Variants in SLC6A6 observed in about 807,000 individuals in gnomAD.
The protein encoded by SLC6A6 is sodium- and chloride-dependent taurine transporter.
Under a neutral mutation model 68.8 loss-of-function variants are expected in SLC6A6, and 16 were observed. That is an observed-to-expected ratio of 0.23 (90% confidence interval 0.16 to 0.35). SLC6A6 has a LOEUF of 0.35. Ranked by LOEUF, SLC6A6 falls within the 10% of genes least tolerant of loss-of-function variation. The probability of loss-of-function intolerance (pLI) is 1.00; values close to 1 mark genes in which losing one functional copy is unlikely to be tolerated. For synonymous variants in SLC6A6, 312 were observed against 315.4 expected (o/e 0.99, Z 0.12); for missense variants, 474 against 802.8 (o/e 0.59, Z 4.95).
At chr3:14,463,950 C>T (rs1700555419) in intron 6 of SLC6A6, among the ~76,000 whole-genome samples, 1 of 152,208 alleles carries the variant, frequency 6.6e-6, no homozygotes, top group Non-Finnish European at 1.5e-5. Flanking sequence ...GTTCCCTTAT[C>T]CTCAGTGGAC....
At chr3:14,470,191 G>A (rs3773172) in intron 9 of SLC6A6, among the ~76,000 whole-genome samples, 13,542 of 152,148 alleles carry the variant, frequency 0.089, 817 homozygotes, top group South Asian at 0.16. Context: ...AAGTATTTTC[G>A]TAGACACATA....
chr3:14,407,649 G>T (rs61702162), intron 1 of SLC6A6, among the ~76,000 whole-genome samples: 1 of 151,860 alleles, frequency 6.6e-6, no homozygotes, highest in Non-Finnish European at 1.5e-5. Flanking sequence ...GACTACAGGC[G>T]CACGCCACCA....
At chr3:14,447,969 A>G (rs1200733382) in intron 5 of SLC6A6, 153 bp downstream of exon 5, 11 of 1,447,928 alleles carry the variant, frequency 7.6e-6, no homozygotes, top group East Asian at 7.5e-5. Flanking sequence ...GCCTTTGGCC[A>G]TAGACAGGAC....
At position 14,489,112 on chromosome 3, in the gene SLC6A6, TGAG is replaced by T. The variant is rs1235021129; in HGVS notation, c.*4111_*4113del. 6.6e-6 allele frequency: 1 copy of T among 152,624 alleles called. No individual in the cohort carries two copies. Among genetic ancestry groups the T allele is most frequent in the Non-Finnish European group, 1.5e-5 (1 of 68,042 alleles). The allele number at this position is 152,624 out of a possible 1,614,324, so 9.5% of individuals were successfully genotyped here. ...AAAATCAACCAACAAGAGACTTTTC[TGAG>T]GAGGAACATTTGTATTTGAACAAGA... On this transcript the variant is annotated 3_prime_UTR_variant, in exon 15 of 15. Coordinates refer to ENST00000622186, the MANE Select transcript of SLC6A6 (RefSeq NM_003043.6).
rs755659188 is a variant in SLC6A6 at position 14,485,246 on chromosome 3, T to C, written c.*239T>C. The C allele has an allele frequency of 2.4e-5, 9 of 370,156 alleles. No individual in the cohort carries two copies. The highest frequency in any genetic ancestry group is 4.4e-5 in the Non-Finnish European group (9 of 206,360). 22.9% of individuals were successfully genotyped at this position (370,156 alleles called of 1,614,324 possible). On this transcript the variant is annotated 3_prime_UTR_variant, in exon 15 of 15. Coordinates refer to ENST00000622186, the MANE Select transcript of SLC6A6 (RefSeq NM_003043.6). ...CAAAAAGAAAACCCACGGGAAGATG[T>C]CCGTGGAGAGGCAGAGCTTTCATAC...
intron 5 of SLC6A6, among the ~76,000 whole-genome samples, chr3:14,448,453 C>T (rs889333180): frequency 2.6e-5 from 4 of 152,158 alleles, no homozygotes. Flanking sequence ...CGGCTATTGG[C>T]TGGGGTGTGA....
chr3:14,436,496 G>A (rs1463617453), intron 2 of SLC6A6, among the ~76,000 whole-genome samples: 2 of 113,036 alleles, frequency 1.8e-5, no homozygotes, highest in Admixed American at 1.0e-4. Flanking sequence ...GAGCCACCAC[G>A]CCCACCCAGG....
At chr3:14,466,202 C>T (rs952370314) in intron 6 of SLC6A6, among the ~76,000 whole-genome samples, 1 of 147,870 alleles carries the variant, frequency 6.8e-6, no homozygotes, top group African/African-American at 2.5e-5. Flanking sequence ...GCGGAGGTTG[C>T]AGTGAGCCGA....
At chr3:14,482,934 A>G (rs1195938159) in intron 14 of SLC6A6, among the ~76,000 whole-genome samples, 1 of 152,154 alleles carries the variant, frequency 6.6e-6, no homozygotes, top group Non-Finnish European at 1.5e-5. Flanking sequence ...ACAATACTCC[A>G]GGCCAACCCA....
chr3:14,449,796 G>A (rs4685163), intron 5 of SLC6A6, among the ~76,000 whole-genome samples: 1 of 152,050 alleles, frequency 6.6e-6, no homozygotes, highest in Non-Finnish European at 1.5e-5. Flanking sequence ...TCTGTTGCCA[G>A]GCTGGAGTGC....
intron 1 of SLC6A6, among the ~76,000 whole-genome samples, chr3:14,407,859 T>C (rs754071031): frequency 6.6e-6 from 1 of 152,234 alleles, no homozygotes; most frequent in Non-Finnish European, 1.5e-5. Flanking sequence ...AATCCTCATA[T>C]AAATGGACTT....
chr3:14,455,515 G>A (rs1700346706), intron 5 of SLC6A6, among the ~76,000 whole-genome samples: 1 of 152,246 alleles, frequency 6.6e-6, no homozygotes, highest in South Asian at 2.1e-4. Context: ...TCCAGGGTCT[G>A]GTGGGCAACA....
At chr3:14,409,962 C>T (rs905052886) in intron 1 of SLC6A6, among the ~76,000 whole-genome samples, 5 of 152,104 alleles carry the variant, frequency 3.3e-5, no homozygotes, top group African/African-American at 4.8e-5. Flanking sequence ...CCCAGGCGGG[C>T]GGATCACGAG....
intron 2 of SLC6A6, among the ~76,000 whole-genome samples, chr3:14,442,960 G>A (rs944858474): frequency 2.0e-5 from 3 of 152,198 alleles, no homozygotes; most frequent in Non-Finnish European, 4.4e-5. Context: ...TGCTAGAGAT[G>A]TGACTGGTTA....
chr3:14,451,208 A>G (rs17039617), intron 5 of SLC6A6, among the ~76,000 whole-genome samples: 2,317 of 152,336 alleles, frequency 0.015, 71 homozygotes, highest in African/African-American at 0.053. Context: ...GATTGAGACT[A>G]TTTCAACACA....
intron 1 of SLC6A6, among the ~76,000 whole-genome samples, chr3:14,403,104 G>A: frequency 6.6e-6 from 1 of 151,772 alleles, no homozygotes; most frequent in South Asian, 2.1e-4. Context: ...GTGTGTGTGT[G>A]TGTGTGTGTG....
chr3:14,452,065 C>T (rs1375371835), intron 5 of SLC6A6, among the ~76,000 whole-genome samples: 1 of 152,158 alleles, frequency 6.6e-6, no homozygotes, highest in African/African-American at 2.4e-5. Context: ...GTACGAGGCA[C>T]CAGGGGAGCG....
At chr3:14,445,977 A>C in intron 4 of SLC6A6, 126 bp downstream of exon 4, 1 of 927,724 alleles carries the variant, frequency 1.1e-6, no homozygotes, top group Non-Finnish European at 1.7e-6. Flanking sequence ...TGCTGACACA[A>C]GATAGCAGCC....
chr3:14,448,869 A>G (rs984471102), intron 5 of SLC6A6, among the ~76,000 whole-genome samples: 27 of 152,376 alleles, frequency 1.8e-4, no homozygotes, highest in African/African-American at 6.0e-4. Context: ...CCTCTTCTTC[A>G]TAAGCCAGCC....
Sources: gnomAD v4.1 joint callset for allele counts (sites outside exome capture counted in the v4.1 genomes callset) on GRCh38, gnomAD v4.1.1 for gene constraint, MANE v1.5 for transcripts, NCBI Gene and HGNC (gene_info 2026-07-23, HGNC 2026-07-21) for gene names.